TRIM7: variants seen among roughly 807,000 people sequenced by gnomAD.
TRIM7 encodes E3 ubiquitin-protein ligase TRIM7.
Under a neutral mutation model 37.9 loss-of-function variants are expected in TRIM7, and 32 were observed. The observed-to-expected ratio is 0.84, with a 90% confidence interval of 0.64 to 1.13. The LOEUF is 1.13. TRIM7 is among the 50% of genes most tolerant of loss of function. The pLI is 0.00. For missense variants in TRIM7, 732 were observed against 714.0 expected (o/e 1.03, Z -0.29); for synonymous variants, 351 against 321.3 (o/e 1.09, Z -0.99).
At chr5:181,201,681 C>T (rs539613326) in intron 2 of TRIM7, among the ~76,000 whole-genome samples, 60 of 152,314 alleles carry the variant, frequency 3.9e-4, no homozygotes, top group African/African-American at 1.4e-3. Context: ...GTGGGGGGAT[C>T]GCTTGAACGA....
At chr5:181,204,516 C>T in intron 1 of TRIM7, 73 bp downstream of exon 1, 1 of 1,301,044 alleles carries the variant, frequency 7.7e-7, no homozygotes, top group Non-Finnish European at 9.8e-7. Context: ...GTTCTCTGCA[C>T]CCCGTGCGCG....
chr5:181,204,544 CA>C (rs60825905), intron 1 of TRIM7, 44 bp downstream of exon 1: 72,499 of 1,325,364 alleles, frequency 0.055, 10,407 homozygotes, highest in African/African-American at 0.54. Context: ...GGGACCAAGT[CA>C]GGGGGTCCCG....
Position 181,203,619 on chromosome 5 carries a change from T to G in TRIM7, c.544A>C (p.Arg182=). Residue 182 remains arginine, a synonymous_variant, in exon 2 of 7, where the codon AGG becomes CGG. Coordinates refer to ENST00000274773, the MANE Select transcript of TRIM7 (RefSeq NM_203293.3). ...TCCTCCAGTTCCTTCTTCAAGACCCTCAGCCTGGACTCCAAGAGCTCCTGT... is the reference window on the plus strand; with the variant it reads ...TCCTCCAGTTCCTTCTTCAAGACCCGCAGCCTGGACTCCAAGAGCTCCTGT... ...EAKELLESRL[R]VLKKELEDCE... The G allele has an allele frequency of 6.2e-7, 1 of 1,613,016 alleles. No individual in the cohort carries two copies. The highest frequency in any genetic ancestry group is 1.1e-5 in the South Asian group (1 of 90,960).
At chr5:181,198,625 T>G in intron 5 of TRIM7, 65 bp downstream of exon 5, 8 of 1,146,074 alleles carry the variant, frequency 7.0e-6, no homozygotes, top group African/African-American at 1.5e-5. Context: ...CAGGGACCCC[T>G]GAGCTACCAG....
Position 181,195,292 on chromosome 5 carries a change from TC to T in TRIM7, c.1409del (p.Gly470GlufsTer77). 6.2e-7 allele frequency: 1 copy of T among 1,604,390 alleles called. No individual in the cohort carries two copies. The highest frequency in any genetic ancestry group is 1.7e-5 in the Admixed American group (1 of 58,580). The stretch of plus-strand genomic sequence containing the variant: ...CCTCCACAGCGTAGAAGGACACGGC[TC>T]CCACCTCCAGGTCCAGGGCCACCCG... ...RVRVALDLEV[G>X]AVSFYAVEDM... On this transcript the variant is annotated frameshift_variant, in exon 7 of 7. Coordinates refer to ENST00000274773, the MANE Select transcript of TRIM7 (RefSeq NM_203293.3). LOFTEE classifies it low-confidence loss of function (END_TRUNC).
intron 1 of TRIM7, chr5:181,204,022 C>A (rs1029920138): frequency 5.9e-6 from 6 of 1,015,802 alleles, no homozygotes; most frequent in Non-Finnish European, 7.1e-6. Flanking sequence ...CTGCACACAC[C>A]CTCGCTGAGG....
At position 181,194,331 on chromosome 5, in the gene TRIM7, G is replaced by C. The variant is rs1431630758; in HGVS notation, c.*835C>G. ...AAACTGGAGGATCACTTGAGGCCAG[G>C]AGTTCAAGACCAGCCTGGGCAACAT... On this transcript the variant is annotated 3_prime_UTR_variant, in exon 7 of 7. Coordinates refer to ENST00000274773, the MANE Select transcript of TRIM7 (RefSeq NM_203293.3). 6.6e-6 allele frequency: 1 copy of C among 152,338 alleles called. No homozygotes were observed. Among genetic ancestry groups the C allele is most frequent in the Admixed American group, 6.5e-5 (1 of 15,284 alleles). The allele number at this position is 152,338 out of a possible 1,614,324, so 9.4% of individuals were successfully genotyped here.
At chr5:181,195,786 A>C (rs1472931383) in intron 6 of TRIM7, 109 bp from the exon 7 acceptor site, 2 of 1,414,078 alleles carry the variant, frequency 1.4e-6, no homozygotes, top group Non-Finnish European at 1.9e-6. Context: ...TTCCCTCTAG[A>C]ATCCCCCCAG....
chr5:181,195,729 A>G (rs558586301), intron 6 of TRIM7, 52 bp from the exon 7 acceptor site: 505 of 1,503,982 alleles, frequency 3.4e-4, no homozygotes, highest in Non-Finnish European at 4.3e-4. Flanking sequence ...CCCCTGGCAC[A>G]GTCTTTGCAG....
intron 1 of TRIM7, chr5:181,204,047 A>G: frequency 1.0e-6 from 1 of 1,000,458 alleles, no homozygotes; most frequent in Non-Finnish European, 1.2e-6. Context: ...GCGAGAAAAT[A>G]GCAAAGAAAG....
chr5:181,199,917 G>T lies in TRIM7; in HGVS notation c.783C>A (p.Thr261=). ...TCTGGCTGCTGAGCTTGGACAGCTG[G>T]GTGATCTCAACCCCGAGCTGGGCCA... ...ENLAQLGVEI[T]QLSKLSSQIQ... Residue 261 remains threonine, a synonymous_variant, in exon 3 of 7, where the codon ACC becomes ACA. Transcript: ENST00000274773. 6.2e-7 allele frequency: 1 copy of T among 1,614,224 alleles called. No individual in the cohort carries two copies. The highest frequency in any genetic ancestry group is 8.5e-7 in the Non-Finnish European group (1 of 1,180,042).
At chr5:181,197,918 A>C in intron 6 of TRIM7, 1 of 532,412 alleles carries the variant, frequency 1.9e-6, no homozygotes, top group South Asian at 2.4e-5. Context: ...CAGGTGGCCG[A>C]GAAGCCTTTC....
intron 5 of TRIM7, 28 bp from the exon 6 acceptor site, chr5:181,198,246 G>A (rs758957502): frequency 1.2e-6 from 2 of 1,613,432 alleles, no homozygotes; most frequent in East Asian, 2.2e-5. Flanking sequence ...AGCAAGGCGT[G>A]CATGAGCGAC....
rs1416309402 is a variant in TRIM7, at chr5:181,199,925, C to T, written c.775G>A (p.Glu259Lys). Residue 259 changes from glutamate to lysine, a missense_variant, in exon 3 of 7, where the codon GAG (glutamate) becomes AAG (lysine). Physicochemically the swap from Glu to Lys is moderately conservative, Grantham distance 56 (BLOSUM62 1). Transcript: ENST00000274773. ...QNENLAQLGV[E>K]ITQLSKLSSQ... ...CTGAGCTTGGACAGCTGGGTGATCT[C>T]AACCCCGAGCTGGGCCAGGTTCTCA... The T allele has an allele frequency of 4.3e-6, 7 of 1,614,230 alleles. No individual in the cohort carries two copies. The highest frequency in any genetic ancestry group is 5.9e-6 in the Non-Finnish European group (7 of 1,180,050).
chr5:181,197,143 G>A (rs907572724), intron 6 of TRIM7: 1 of 141,648 alleles, frequency 7.1e-6, no homozygotes, highest in Non-Finnish European at 1.5e-5. Context: ...GCGATACCTT[G>A]TCTCCAAAAA....
Position 181,195,505 on chromosome 5 carries a change from C to G in TRIM7, c.1197G>C (p.Trp399Cys), listed in dbSNP as rs771570796. ...CGTCCTTAGAGCCCACCTCCACCTC[C>G]CAGTGATGCCGGCCCGAGGAGAAGC... Reference protein sequence around the residue: ...SCGFSSGRHHWEVEVGSKDGW... With the variant: ...SCGFSSGRHHCEVEVGSKDGW... The change falls in exon 7 of 7, where the codon TGG (tryptophan) becomes TGC (cysteine). Residue 399 changes from tryptophan to cysteine, a missense_variant. Physicochemically the swap from Trp to Cys is radical, Grantham distance 215. Coordinates refer to ENST00000274773, the MANE Select transcript of TRIM7 (RefSeq NM_203293.3). 8.7e-6 allele frequency: 14 copies of G among 1,612,638 alleles called. No individual in the cohort carries two copies. The highest frequency in any genetic ancestry group is 1.1e-5 in the Non-Finnish European group (13 of 1,179,724).
chr5:181,199,230 C>G, intron 3 of TRIM7, 113 bp from the exon 4 acceptor site: 1 of 1,259,638 alleles, frequency 7.9e-7, no homozygotes, highest in Admixed American at 1.7e-5. Flanking sequence ...AGCAAGTGTG[C>G]CACGCCTCAC....
Position 181,195,389 on chromosome 5 carries a change from T to G in TRIM7, c.1313A>C (p.Asn438Thr). The G allele has an allele frequency of 6.3e-7, 1 of 1,585,934 alleles. No homozygotes were observed. Among genetic ancestry groups the G allele is most frequent in the Non-Finnish European group, 8.6e-7 (1 of 1,166,218 alleles). Residue 438 changes from asparagine (N) to threonine (T), a missense_variant, in exon 7 of 7, where the codon AAC becomes ACC. Asn to Thr is a moderately conservative substitution (Grantham distance 65). Transcript: ENST00000274773. The stretch of plus-strand genomic sequence containing the variant: ...GGTCACGGCCCAGTACTGGCCGCCG[T>G]TGAGCTGCAGGGCCCAGACGCCCTC... ...PEEGVWALQL[N>T]GGQYWAVTSP...
At chr5:181,204,211 G>C (rs932742345) in intron 1 of TRIM7, 1 of 1,028,984 alleles carries the variant, frequency 9.7e-7, no homozygotes, top group African/African-American at 1.7e-5. Context: ...AAAGAGATAA[G>C]AGTGGGGGCA....
Sources: allele counts gnomAD v4.1 joint callset (sites outside exome capture counted in the v4.1 genomes callset), GRCh38; gene constraint gnomAD v4.1.1; transcripts MANE v1.5; gene names NCBI Gene and HGNC (gene_info 2026-07-23, HGNC 2026-07-21).